The following DSCAM variants were observed in gnomAD, a reference collection of about 807,000 sequenced individuals.
DSCAM encodes cell adhesion molecule DSCAM.
Under a neutral mutation model 217.7 loss-of-function variants are expected in DSCAM, and 47 were observed. The ratio of observed to expected loss-of-function variants is 0.22; its 90% CI spans 0.17 to 0.28. DSCAM has a LOEUF of 0.28. Ranked by LOEUF, DSCAM falls within the 10% of genes least tolerant of loss-of-function variation. The pLI, the probability that DSCAM is intolerant of heterozygous loss-of-function variation, is 1.00. For missense variants in DSCAM, 2,080 were observed against 2,618.3 expected, an observed-to-expected ratio of 0.79 and a Z score of 4.49; for synonymous variants, 1,056 against 1,015.3, an observed-to-expected ratio of 1.04 and a Z score of -0.76.
chr21:40,705,608 G>A (rs1052609960), intron 2 of DSCAM, among the ~76,000 whole-genome samples: 1 of 152,190 alleles, frequency 6.6e-6, no homozygotes, highest in Non-Finnish European at 1.5e-5. Flanking sequence ...AGCAACGGAA[G>A]TGCCAGATGC....
rs200671481 is a variant in DSCAM at position 40,085,752 on chromosome 21, T to G, written c.3982A>C (p.Ser1328Arg). 8 of 1,519,586 alleles carry G rather than the reference T, an allele frequency of 5.3e-6. No homozygotes were observed. Among genetic ancestry groups the G allele is most frequent in the Non-Finnish European group, 7.2e-6 (8 of 1,117,892 alleles). The allele number at this position is 1,519,586 out of a possible 1,614,324, so 94.1% of individuals were successfully genotyped here. Reference protein sequence around the residue: ...KWMKDSNGTPSLVTIDGRRSI... With the variant: ...KWMKDSNGTPRLVTIDGRRSI... ...CTCCGCCCATCAATCGTTACTAGAC[T>G]GGGTGTCCCGTTACTGCCTCACAGG... Residue 1328 changes from serine to arginine, a missense_variant, in exon 23 of 33, where the codon AGT (serine) becomes CGT (arginine). Physicochemically the swap from Ser to Arg is moderately radical, Grantham distance 110 (BLOSUM62 -1). This residue lies in a region of DSCAM where 1,144 missense variants were observed against 1,421.1 expected (regional missense o/e 0.81). Transcript: ENST00000400454.
chr21:40,446,425 T>C (rs2075675280), intron 3 of DSCAM, among the ~76,000 whole-genome samples: 1 of 152,162 alleles, frequency 6.6e-6, no homozygotes. Flanking sequence ...ATGTTGTCAG[T>C]GGAAATCTTT....
At chr21:40,311,389 C>G (rs1470351843) in intron 9 of DSCAM, among the ~76,000 whole-genome samples, 1 of 152,004 alleles carries the variant, frequency 6.6e-6, no homozygotes, top group Non-Finnish European at 1.5e-5. Flanking sequence ...AGAGTGTGAG[C>G]CTTAATGGGA....
At chr21:40,104,336 C>T (rs1438302964) in intron 20 of DSCAM, among the ~76,000 whole-genome samples, 1 of 151,844 alleles carries the variant, frequency 6.6e-6, no homozygotes, top group Non-Finnish European at 1.5e-5. Context: ...GCAGAATTTA[C>T]AAAATTGAAA....
Position 40,012,910 on chromosome 21 carries a change from T to G in DSCAM, c.*124A>C. The G allele has an allele frequency of 2.7e-6, 2 of 742,160 alleles. No individual in the cohort carries two copies. Among genetic ancestry groups the G allele is most frequent in the Non-Finnish European group, 3.8e-6 (2 of 522,368 alleles). 46.0% of individuals were successfully genotyped at this position (742,160 alleles called of 1,614,324 possible). On this transcript the variant is annotated 3_prime_UTR_variant, in exon 33 of 33. Coordinates refer to ENST00000400454, the MANE Select transcript of DSCAM (RefSeq NM_001389.5). ...GTCTGTGGTTTCAGTATTTTCTCTT[T>G]TTTTTTTTTAATATATTTTGGCAAT...
chr21:40,679,630 A>G (rs2090378188), intron 3 of DSCAM, among the ~76,000 whole-genome samples: 1 of 152,254 alleles, frequency 6.6e-6, no homozygotes, highest in African/African-American at 2.4e-5. Flanking sequence ...TACTGCAAAT[A>G]CATACTCTGA....
chr21:40,648,444 C>T (rs1440464156), intron 3 of DSCAM, among the ~76,000 whole-genome samples: 1 of 152,030 alleles, frequency 6.6e-6, no homozygotes, highest in Admixed American at 6.6e-5. Flanking sequence ...CAGACAAATC[C>T]CTAGGCAGAC....
At chr21:40,766,313 T>C (rs933409197) in intron 1 of DSCAM, among the ~76,000 whole-genome samples, 2 of 152,012 alleles carry the variant, frequency 1.3e-5, no homozygotes, top group Non-Finnish European at 2.9e-5. Flanking sequence ...TTCAATTTTA[T>C]ATGTATTTGG....
chr21:40,142,537 G>A lies in DSCAM; in HGVS notation c.3406+21C>T, dbSNP rs1601377190. On this transcript the variant is annotated intron_variant, in intron 18 of 32. Transcript: ENST00000400454. ...TGCATTCTCTGGAGGCAAACCCAAA[G>A]TCCTAGTTTAGTCCTCTTACCTCCG... The A allele has an allele frequency of 2.5e-6, 4 of 1,613,436 alleles. No individual in the cohort carries two copies. In the East Asian group the frequency reaches 6.7e-5, roughly 27 times the overall value.
intron 3 of DSCAM, among the ~76,000 whole-genome samples, chr21:40,409,031 G>T (rs2075301269): frequency 6.6e-6 from 1 of 152,070 alleles, no homozygotes; most frequent in South Asian, 2.1e-4. Flanking sequence ...AACAATTATA[G>T]TTCAATATTA....
At chr21:40,748,958 G>A (rs897270976) in intron 1 of DSCAM, among the ~76,000 whole-genome samples, 2 of 152,014 alleles carry the variant, frequency 1.3e-5, no homozygotes, top group African/African-American at 4.8e-5. Flanking sequence ...TTTTAACAAA[G>A]GCACCAGAAG....
At chr21:40,170,902 T>G (rs1175458303) in intron 15 of DSCAM, among the ~76,000 whole-genome samples, 1 of 152,160 alleles carries the variant, frequency 6.6e-6, no homozygotes, top group African/African-American at 2.4e-5. Flanking sequence ...TGTGGTCCTC[T>G]CAGGAAGATG....
chr21:40,558,608 T>C (rs2146177530), intron 3 of DSCAM, among the ~76,000 whole-genome samples: 1 of 152,316 alleles, frequency 6.6e-6, no homozygotes. Context: ...ACCAGTCATA[T>C]CTCATTTAGA....
chr21:40,091,358 C>T (rs530535664), intron 21 of DSCAM, among the ~76,000 whole-genome samples: 1 of 152,042 alleles, frequency 6.6e-6, no homozygotes, highest in Non-Finnish European at 1.5e-5. Flanking sequence ...TCCTTCCCAG[C>T]GTCTCTGGGA....
At chr21:40,591,922 T>G in intron 3 of DSCAM, among the ~76,000 whole-genome samples, 1 of 152,250 alleles carries the variant, frequency 6.6e-6, no homozygotes, top group East Asian at 1.9e-4. Context: ...GCCCAAGAAT[T>G]AAAGAGCAAG....
chr21:40,107,574 A>G lies in DSCAM; in HGVS notation c.3697-13700T>C, dbSNP rs192478535. Among the ~76,000 whole-genome samples the G allele has an allele frequency of 1.1e-3, 168 of 152,082 alleles. 1 individual carries two copies. The highest frequency in any genetic ancestry group is 3.9e-3 in the African/African-American group (160 of 41,492). On this transcript the variant is annotated intron_variant, in intron 20 of 32. Transcript: ENST00000400454. ...ATATCTTTGTTAATTTTTTGTCTCA[A>G]TGATCTGTCTAATATTGTCAGTGGG... is the stretch of plus-strand genomic sequence containing the variant.
intron 11 of DSCAM, among the ~76,000 whole-genome samples, chr21:40,207,324 G>A (rs900865900): frequency 1.3e-5 from 2 of 152,164 alleles, no homozygotes; most frequent in Non-Finnish European, 2.9e-5. Flanking sequence ...CAGAGCAGAT[G>A]ACTGAAAGTG....
chr21:40,254,322 T>C (rs1459838141), intron 11 of DSCAM, among the ~76,000 whole-genome samples: 2 of 152,132 alleles, frequency 1.3e-5, no homozygotes, highest in Admixed American at 6.5e-5. Context: ...TATCACAGTT[T>C]AAGTTGGACT....
intron 11 of DSCAM, among the ~76,000 whole-genome samples, chr21:40,190,153 T>C (rs1026498408): frequency 6.6e-6 from 1 of 152,204 alleles, no homozygotes; most frequent in Non-Finnish European, 1.5e-5. Flanking sequence ...AACCCTTTAT[T>C]TGTGAAGCTT....
Sources: gnomAD v4.1 joint callset for allele counts (sites outside exome capture counted in the v4.1 genomes callset) on GRCh38, gnomAD v4.1.1 for gene constraint, gnomAD v4.1.1 regional missense constraint, MANE v1.5 for transcripts, NCBI Gene and HGNC (gene_info 2026-07-23, HGNC 2026-07-21) for gene names.